MXD4: variants seen among roughly 807,000 people sequenced by gnomAD.
MXD4 encodes MAX dimerization protein 4.
A neutral mutation model predicts 24.5 loss-of-function variants in MXD4; 16 were observed. The ratio of observed to expected loss-of-function variants is 0.65; its 90% CI spans 0.44 to 0.99. MXD4 has a LOEUF of 0.99. Ranked by LOEUF, MXD4 falls within the 50% of genes least tolerant of loss-of-function variation. MXD4 has a pLI of 0.00. For synonymous variants in MXD4, 164 were observed against 134.2 expected, an observed-to-expected ratio of 1.22 and a Z score of -1.54; for missense variants, 301 against 301.5, an observed-to-expected ratio of 1.00 and a Z score of 0.01.
chr4:2,261,614 C>G (rs1735547356), intron 2 of MXD4, 111 bp downstream of exon 2: 1 of 483,206 alleles, frequency 2.1e-6, no homozygotes, highest in South Asian at 8.9e-5. Flanking sequence ...CCGGGGCGCG[C>G]GGCGGCGGCG....
In MXD4 at chr4:2,249,201, G is replaced by A. The variant is rs1224845305; in HGVS notation, c.*1343C>T. 1 of 152,704 alleles carries A rather than the reference G, an allele frequency of 6.5e-6. No homozygotes were observed. The highest frequency in any genetic ancestry group is 1.5e-5 in the Non-Finnish European group (1 of 68,094). The allele number at this position is 152,704 out of a possible 1,614,324, so 9.5% of individuals were successfully genotyped here. A position where few individuals can be genotyped will look rare whatever the true frequency, so the allele number is the denominator to read the frequency against. On this transcript the variant is annotated 3_prime_UTR_variant, in exon 6 of 6. Transcript: ENST00000337190. ...AGGACAGCACTAGCTGGGCAGGCCTGGGGCACCCTGAGCCACGAGGGACAT... is the reference window on the plus strand; with the variant it reads ...AGGACAGCACTAGCTGGGCAGGCCTAGGGCACCCTGAGCCACGAGGGACAT...
In MXD4 at chr4:2,250,413, C is replaced by G; in HGVS notation, c.*131G>C. The G allele has an allele frequency of 1.6e-6, 2 of 1,233,836 alleles. No homozygotes were observed. The highest frequency in any genetic ancestry group is 2.2e-6 in the Non-Finnish European group (2 of 917,210). The allele number at this position is 1,233,836 out of a possible 1,614,324, so 76.4% of individuals were successfully genotyped here. ...GGCAAGCGGGCAGTGCCAGGCAGCC[C>G]AGCAGCAGCTGGAGCTTCCAGAATG... On this transcript the variant is annotated 3_prime_UTR_variant, in exon 6 of 6. Coordinates refer to ENST00000337190, the MANE Select transcript of MXD4 (RefSeq NM_006454.3).
intron 1 of MXD4, 29 bp downstream of exon 1, chr4:2,261,888 G>A: frequency 1.4e-6 from 2 of 1,414,732 alleles, no homozygotes; most frequent in African/African-American, 1.5e-5. Context: ...GCCCACCGCC[G>A]CGGGCGCACA....
At position 2,251,078 on chromosome 4, in the gene MXD4, C is replaced by G. The variant is rs771976407; in HGVS notation, c.472+6G>C. On this transcript the variant is annotated splice_donor_region_variant and intron_variant, in intron 5 of 5. Coordinates refer to ENST00000337190, the MANE Select transcript of MXD4 (RefSeq NM_006454.3). Reference sequence around the variant, plus strand: ...AGGTGAGGCTGCCCCGCGCCCCACGCCCCACCTTGCTCTGAGTCGTCCGTG... The same window carrying G: ...AGGTGAGGCTGCCCCGCGCCCCACGGCCCACCTTGCTCTGAGTCGTCCGTG... 17 of 1,560,948 alleles carry G rather than the reference C, an allele frequency of 1.1e-5. No homozygotes were observed. Among genetic ancestry groups the G allele is most frequent in the Non-Finnish European group, 1.4e-5 (16 of 1,147,646 alleles).
intron 2 of MXD4, among the ~76,000 whole-genome samples, chr4:2,261,502 G>A (rs1243605414): frequency 6.6e-6 from 1 of 150,866 alleles, no homozygotes; most frequent in African/African-American, 2.4e-5. Flanking sequence ...TTACGCGAGC[G>A]GCCCGGGAGG....
intron 3 of MXD4, chr4:2,255,022 G>A: frequency 2.9e-6 from 1 of 342,562 alleles, no homozygotes. Context: ...CACATCGCAG[G>A]ACTGTCCGGA....
intron 3 of MXD4, chr4:2,254,650 C>T (rs568394607): frequency 6.5e-6 from 1 of 152,926 alleles, no homozygotes; most frequent in South Asian, 2.1e-4. Flanking sequence ...AGCTCATACA[C>T]ATCAAAAATT....
chr4:2,256,047 G>A (rs1444426900), intron 3 of MXD4, among the ~76,000 whole-genome samples: 1 of 152,194 alleles, frequency 6.6e-6, no homozygotes, highest in Non-Finnish European at 1.5e-5. Context: ...GGGCTCCTGG[G>A]GACCTCCTGG....
intron 2 of MXD4, among the ~76,000 whole-genome samples, chr4:2,260,986 T>C (rs916537113): frequency 6.6e-6 from 1 of 152,216 alleles, no homozygotes; most frequent in Admixed American, 6.5e-5. Flanking sequence ...TTCTGCTGCC[T>C]GAACACGAGG....
intron 2 of MXD4, among the ~76,000 whole-genome samples, chr4:2,261,196 A>G (rs1183901715): frequency 3.9e-5 from 6 of 152,224 alleles, no homozygotes; most frequent in African/African-American, 1.2e-4. Flanking sequence ...GGCCCAGGAC[A>G]GCGCCTCCAC....
At chr4:2,257,928 G>C in intron 3 of MXD4, 54 bp downstream of exon 3, 1 of 1,607,686 alleles carries the variant, frequency 6.2e-7, no homozygotes, top group East Asian at 2.2e-5. Flanking sequence ...CACACCCTCA[G>C]TAAAAGGGTG....
Position 2,252,533 on chromosome 4 carries a change from C to T in MXD4, c.195-11G>A, listed in dbSNP as rs1735345622. ...CTGAGTTTGGCTCGTCTGAAAGAGC[C>T]AGAGACAGAACCATCAGGCTGGGGT... On this transcript the variant is annotated splice_polypyrimidine_tract_variant and intron_variant, in intron 3 of 5. Coordinates refer to ENST00000337190, the MANE Select transcript of MXD4 (RefSeq NM_006454.3). The T allele has an allele frequency of 6.2e-7, 1 of 1,602,782 alleles. No homozygotes were observed. The highest frequency in any genetic ancestry group is 8.5e-7 in the Non-Finnish European group (1 of 1,173,416).
intron 4 of MXD4, among the ~76,000 whole-genome samples, chr4:2,251,818 G>A (rs1275655092): frequency 6.6e-6 from 1 of 152,210 alleles, no homozygotes; most frequent in East Asian, 1.9e-4. Flanking sequence ...CCATGCCTAT[G>A]CAGGCAGAAG....
Position 2,261,841 on chromosome 4 carries a change from C to G in MXD4, c.65-17G>C. 1 of 1,354,142 alleles carries G rather than the reference C, an allele frequency of 7.4e-7. No individual in the cohort carries two copies. The highest frequency in any genetic ancestry group is 3.3e-5 in the East Asian group (1 of 30,222). 83.9% of individuals were successfully genotyped at this position (1,354,142 alleles called of 1,614,324 possible). A position where few individuals can be genotyped will look rare whatever the true frequency, so the allele number is the denominator to read the frequency against. On this transcript the variant is annotated splice_polypyrimidine_tract_variant and intron_variant, in intron 1 of 5. Coordinates refer to ENST00000337190, the MANE Select transcript of MXD4 (RefSeq NM_006454.3). ...GCTCGGCCTCTGCGGACACACGGCG[C>G]GGTCAGCGGCCCCCGCCCGGCACGG...
intron 5 of MXD4, 133 bp from the exon 6 acceptor site, chr4:2,250,834 G>T: frequency 7.9e-7 from 1 of 1,264,072 alleles, no homozygotes; most frequent in Non-Finnish European, 1.1e-6. Context: ...TGGGGCAGCA[G>T]ACGCCAGGAG....
intron 2 of MXD4, chr4:2,258,800 C>T: frequency 2.4e-6 from 1 of 421,814 alleles, no homozygotes; most frequent in Non-Finnish European, 4.8e-6. Context: ...CTCCCACTTC[C>T]CTCAGGGGCT....
At chr4:2,255,250 C>A (rs1218706359) in intron 3 of MXD4, 2 of 452,318 alleles carry the variant, frequency 4.4e-6, no homozygotes, top group Admixed American at 2.4e-5. Flanking sequence ...CCGCGGGGAG[C>A]AGTGGAGGAT....
chr4:2,258,856 T>C (rs951861521), intron 2 of MXD4: 4 of 454,728 alleles, frequency 8.8e-6, no homozygotes, highest in Admixed American at 2.4e-5. Context: ...TCAGCTTCTC[T>C]GGGGACAGTG....
chr4:2,252,259 C>A, intron 4 of MXD4, 149 bp downstream of exon 4: 2 of 658,934 alleles, frequency 3.0e-6, no homozygotes, highest in Non-Finnish European at 5.3e-6. Flanking sequence ...CCACCAGGCC[C>A]CCGACACACA....
Sources: allele counts gnomAD v4.1 joint callset (sites outside exome capture counted in the v4.1 genomes callset), GRCh38; gene constraint gnomAD v4.1.1; transcripts MANE v1.5; gene names NCBI Gene and HGNC (gene_info 2026-07-23, HGNC 2026-07-21).